The following SBF2 variants were observed in gnomAD, a reference collection of about 807,000 sequenced individuals.
The protein encoded by SBF2 is SET binding factor 2.
Under a neutral mutation model 225.2 loss-of-function variants are expected in SBF2, and 112 were observed. The ratio of observed to expected loss-of-function variants is 0.50; its 90% CI spans 0.43 to 0.58. The LOEUF is 0.58. SBF2 is among the 20% of genes least tolerant of loss of function. The probability of loss-of-function intolerance (pLI) is 0.00; values close to 1 mark genes in which losing one functional copy is unlikely to be tolerated. For synonymous variants in SBF2, 763 were observed against 773.3 expected, an observed-to-expected ratio of 0.99 and a Z score of 0.22; for missense variants, 1,996 against 2,206.2, an observed-to-expected ratio of 0.90 and a Z score of 1.91.
intron 13 of SBF2, among the ~76,000 whole-genome samples, chr11:9,984,850 A>C (rs951733440): frequency 6.6e-6 from 1 of 152,218 alleles, no homozygotes; most frequent in Non-Finnish European, 1.5e-5. Context: ...TATGAAAGAA[A>C]GATACAGTCA....
chr11:9,781,264 A>G (rs1194980755), intron 39 of SBF2, among the ~76,000 whole-genome samples: 1 of 152,258 alleles, frequency 6.6e-6, no homozygotes, highest in Non-Finnish European at 1.5e-5. Context: ...ATCTGTTTCC[A>G]TGTGCGCTGG....
intron 16 of SBF2, among the ~76,000 whole-genome samples, chr11:9,908,063 C>A (rs1419408151): frequency 6.6e-6 from 1 of 152,076 alleles, no homozygotes; most frequent in Non-Finnish European, 1.5e-5. Flanking sequence ...AAAATGGAGT[C>A]TGTGGAAACA....
intron 6 of SBF2, among the ~76,000 whole-genome samples, chr11:10,005,244 C>T (rs997930905): frequency 1.3e-5 from 2 of 152,118 alleles, no homozygotes; most frequent in African/African-American, 4.8e-5. Flanking sequence ...GTATATGACC[C>T]TCTAGGAACA....
rs547288948 is a variant in SBF2, at chr11:9,839,346, C to T, written c.3455+152G>A. On this transcript the variant is annotated intron_variant, in intron 26 of 39. Transcript: ENST00000256190. Reference sequence around the variant, plus strand: ...CAGTAAGGTAATTGTTCCGAGAATGCCAATGAGATGCTTGCTCGTATCCTG... The same window carrying T: ...CAGTAAGGTAATTGTTCCGAGAATGTCAATGAGATGCTTGCTCGTATCCTG... The T allele has an allele frequency of 3.8e-3, 2,950 of 785,752 alleles. 16 individuals carry two copies. Among genetic ancestry groups the T allele is most frequent in the Middle Eastern group, 6.4e-3 (18 of 2,810 alleles). The allele number at this position is 785,752 out of a possible 1,614,324, so 48.7% of individuals were successfully genotyped here. A position where few individuals can be genotyped will look rare whatever the true frequency, so the allele number is the denominator to read the frequency against.
chr11:10,048,878 C>G (rs1477222916), intron 2 of SBF2, among the ~76,000 whole-genome samples: 2 of 152,094 alleles, frequency 1.3e-5, no homozygotes, highest in Non-Finnish European at 2.9e-5. Flanking sequence ...GCCCAGTAGA[C>G]CAACAGATTT....
intron 16 of SBF2, among the ~76,000 whole-genome samples, chr11:9,901,145 T>A (rs1232934330): frequency 6.6e-6 from 1 of 152,214 alleles, no homozygotes; most frequent in Non-Finnish European, 1.5e-5. Context: ...TAAAATATTT[T>A]AAAATCTTTA....
intron 28 of SBF2, among the ~76,000 whole-genome samples, chr11:9,825,385 G>C (rs2133925054): frequency 6.6e-6 from 1 of 152,294 alleles, no homozygotes; most frequent in African/African-American, 2.4e-5. Flanking sequence ...CTGACACCCT[G>C]ATCTTGGACT....
At chr11:9,914,749 A>G (rs963802158) in intron 16 of SBF2, among the ~76,000 whole-genome samples, 1 of 152,190 alleles carries the variant, frequency 6.6e-6, no homozygotes, top group Non-Finnish European at 1.5e-5. Context: ...GAATGAAAAA[A>G]TAAGCCACAG....
At chr11:10,235,141 T>G (rs555022846) in intron 1 of SBF2, among the ~76,000 whole-genome samples, 1 of 152,360 alleles carries the variant, frequency 6.6e-6, no homozygotes, top group Admixed American at 6.5e-5. Context: ...TGCCAACATT[T>G]TTGAGTATTG....
At chr11:9,781,103 G>A (rs1034164136) in intron 39 of SBF2, among the ~76,000 whole-genome samples, 8 of 152,264 alleles carry the variant, frequency 5.3e-5, no homozygotes, top group Non-Finnish European at 1.0e-4. Flanking sequence ...AAGGGCTGCT[G>A]AAGATGTTAG....
chr11:10,145,931 C>G (rs1398568891), intron 2 of SBF2, among the ~76,000 whole-genome samples: 3 of 152,106 alleles, frequency 2.0e-5, no homozygotes, highest in Non-Finnish European at 4.4e-5. Context: ...ACACCAACAA[C>G]AGCCAAGCTG....
intron 2 of SBF2, among the ~76,000 whole-genome samples, chr11:10,146,196 C>T (rs921908861): frequency 2.6e-5 from 4 of 152,186 alleles, no homozygotes; most frequent in East Asian, 3.9e-4. Flanking sequence ...CTATCAATGA[C>T]GTTCTTCAAA....
intron 16 of SBF2, among the ~76,000 whole-genome samples, chr11:9,913,520 T>C (rs1324642611): frequency 2.0e-5 from 3 of 152,296 alleles, no homozygotes; most frequent in Non-Finnish European, 4.4e-5. Context: ...GTTGAACATA[T>C]GCATATCCTA....
chr11:10,243,244 A>G (rs1250497847), intron 1 of SBF2, among the ~76,000 whole-genome samples: 3 of 152,134 alleles, frequency 2.0e-5, no homozygotes, highest in African/African-American at 4.8e-5. Context: ...CAAAGAAGAA[A>G]CCAAAAAGGG....
At chr11:9,923,764 C>G (rs1471890254) in intron 16 of SBF2, among the ~76,000 whole-genome samples, 1 of 151,588 alleles carries the variant, frequency 6.6e-6, no homozygotes, top group Non-Finnish European at 1.5e-5. Flanking sequence ...TTTTCTTTAC[C>G]CTTTTAAAAA....
At chr11:9,924,163 C>T (rs1023728447) in intron 16 of SBF2, among the ~76,000 whole-genome samples, 3 of 152,170 alleles carry the variant, frequency 2.0e-5, no homozygotes, top group Admixed American at 6.5e-5. Flanking sequence ...GTTTGACTTA[C>T]AATTTTTTGA....
chr11:10,041,932 A>G (rs1030447694), intron 3 of SBF2, among the ~76,000 whole-genome samples: 1 of 151,904 alleles, frequency 6.6e-6, no homozygotes, highest in African/African-American at 2.4e-5. Flanking sequence ...ACCAGCACCA[A>G]CAAAAAAAAC....
At chr11:9,992,661 G>C in intron 11 of SBF2, 118 bp from the exon 12 acceptor site, 1 of 915,274 alleles carries the variant, frequency 1.1e-6, no homozygotes. Flanking sequence ...ATAAATATAT[G>C]CTGTCATAAA....
intron 16 of SBF2, among the ~76,000 whole-genome samples, chr11:9,924,274 T>C (rs1420792329): frequency 6.6e-6 from 1 of 152,174 alleles, no homozygotes; most frequent in African/African-American, 2.4e-5. Context: ...ATTCAATAAA[T>C]TACATGAGAT....
Sources: allele counts gnomAD v4.1 joint callset (sites outside exome capture counted in the v4.1 genomes callset), GRCh38; gene constraint gnomAD v4.1.1; transcripts MANE v1.5; gene names NCBI Gene and HGNC (gene_info 2026-07-23, HGNC 2026-07-21).